Variants in ANKS1B observed in about 807,000 individuals in gnomAD.
ANKS1B encodes ankyrin repeat and sterile alpha motif domain-containing protein 1B.
In ANKS1B, 36 loss-of-function variants were observed where a neutral mutation model predicts 148.3. The ratio of observed to expected loss-of-function variants is 0.24; its 90% CI spans 0.19 to 0.32. The LOEUF (loss-of-function observed/expected upper bound fraction) is 0.32, where lower values mean the gene tolerates loss of function less well. Ranked by LOEUF, ANKS1B falls within the 10% of genes least tolerant of loss-of-function variation. The pLI, the probability that ANKS1B is intolerant of heterozygous loss-of-function variation, is 1.00. For missense variants in ANKS1B, 1,157 were observed against 1,542.6 expected (o/e 0.75, Z 4.19); for synonymous variants, 542 against 560.8 (o/e 0.97, Z 0.47).
intron 8 of ANKS1B, among the ~76,000 whole-genome samples, chr12:99,723,136 C>T (rs746101184): frequency 2.6e-5 from 4 of 152,172 alleles, no homozygotes; most frequent in Admixed American, 6.5e-5. Flanking sequence ...GCTGAGTTCC[C>T]GGTGGGGAGG....
chr12:99,449,927 CTAT>C, intron 10 of ANKS1B, among the ~76,000 whole-genome samples: 1 of 151,572 alleles, frequency 6.6e-6, no homozygotes, highest in South Asian at 2.1e-4. Flanking sequence ...ATCTATCTAT[CTAT>C]CTATCTATCT....
chr12:99,702,042 T>C (rs1012430503), intron 8 of ANKS1B, among the ~76,000 whole-genome samples: 2 of 152,174 alleles, frequency 1.3e-5, no homozygotes, highest in Non-Finnish European at 2.9e-5. Flanking sequence ...TTCCTTTCTT[T>C]TGAGTTTATA....
chr12:99,197,962 T>C (rs1374001697), intron 14 of ANKS1B, among the ~76,000 whole-genome samples: 1 of 152,168 alleles, frequency 6.6e-6, no homozygotes, highest in Non-Finnish European at 1.5e-5. Flanking sequence ...TTGTACTTTC[T>C]GGTCATTTCA....
intron 17 of ANKS1B, among the ~76,000 whole-genome samples, chr12:98,958,258 A>G (rs1243906367): frequency 1.3e-5 from 2 of 152,274 alleles, no homozygotes; most frequent in Non-Finnish European, 2.9e-5. Flanking sequence ...ACTATAAATT[A>G]TGAATATGCA....
chr12:99,635,262 T>A (rs571795672), intron 9 of ANKS1B, among the ~76,000 whole-genome samples: 4 of 152,180 alleles, frequency 2.6e-5, no homozygotes, highest in African/African-American at 4.8e-5. Flanking sequence ...TTGGTATGCA[T>A]CCAAAAGAAT....
At chr12:98,848,954 G>A (rs1298782827) in intron 17 of ANKS1B, among the ~76,000 whole-genome samples, 2 of 151,858 alleles carry the variant, frequency 1.3e-5, no homozygotes, top group Non-Finnish European at 2.9e-5. Flanking sequence ...GGCCAGGCTG[G>A]TCTCAAACTC....
intron 1 of ANKS1B, among the ~76,000 whole-genome samples, chr12:99,902,732 C>T (rs1194016872): frequency 6.6e-6 from 1 of 151,062 alleles, no homozygotes; most frequent in Admixed American, 6.6e-5. Context: ...CTATCAGATC[C>T]TCAAAATAGC....
chr12:99,206,487 T>A (rs1408345145), intron 14 of ANKS1B, among the ~76,000 whole-genome samples: 3 of 151,868 alleles, frequency 2.0e-5, no homozygotes, highest in Admixed American at 6.6e-5. Flanking sequence ...AAAAAAAAAA[T>A]TTAATGGGCT....
At chr12:99,672,096 G>C (rs2098540923) in intron 8 of ANKS1B, among the ~76,000 whole-genome samples, 1 of 152,020 alleles carries the variant, frequency 6.6e-6, no homozygotes, top group Non-Finnish European at 1.5e-5. Flanking sequence ...CATCTTGTCA[G>C]CATTTAATTA....
intron 10 of ANKS1B, among the ~76,000 whole-genome samples, chr12:99,461,033 G>A (rs1567144436): frequency 6.6e-6 from 1 of 150,468 alleles, no homozygotes; most frequent in Non-Finnish European, 1.5e-5. Flanking sequence ...AAGAAAATGT[G>A]GTGGATATAT....
intron 4 of ANKS1B, among the ~76,000 whole-genome samples, chr12:99,787,553 G>A (rs1353110729): frequency 3.3e-5 from 5 of 152,162 alleles, no homozygotes; most frequent in Non-Finnish European, 7.4e-5. Flanking sequence ...AGAGATGAAG[G>A]ACAGAGCAAA....
At chr12:99,837,501 G>A (rs994459119) in intron 1 of ANKS1B, among the ~76,000 whole-genome samples, 3 of 152,050 alleles carry the variant, frequency 2.0e-5, no homozygotes, top group Non-Finnish European at 4.4e-5. Flanking sequence ...CATTGACTGC[G>A]GACTTGCTAC....
chr12:99,889,103 T>C (rs1182139528), intron 1 of ANKS1B, among the ~76,000 whole-genome samples: 1 of 152,162 alleles, frequency 6.6e-6, no homozygotes, highest in Non-Finnish European at 1.5e-5. Context: ...AATGTTGGTT[T>C]TAATCATTGC....
At chr12:99,757,052 T>C (rs190720066) in intron 8 of ANKS1B, among the ~76,000 whole-genome samples, 84 of 152,130 alleles carry the variant, frequency 5.5e-4, no homozygotes, top group African/African-American at 2.0e-3. Context: ...AAAGATTTCA[T>C]GACAAAGATG....
chr12:99,172,062 C>T (rs1049937068), intron 14 of ANKS1B, among the ~76,000 whole-genome samples: 1 of 152,018 alleles, frequency 6.6e-6, no homozygotes, highest in Non-Finnish European at 1.5e-5. Context: ...CTAATCTGTG[C>T]CTTGAAGACG....
intron 11 of ANKS1B, among the ~76,000 whole-genome samples, chr12:99,414,853 T>C (rs936526214): frequency 6.6e-6 from 1 of 152,234 alleles, no homozygotes; most frequent in African/African-American, 2.4e-5. Flanking sequence ...TCAGGGCAAC[T>C]TGTCAAAATA....
chr12:98,785,908 C>T (rs548768816), intron 22 of ANKS1B, among the ~76,000 whole-genome samples: 1 of 152,160 alleles, frequency 6.6e-6, no homozygotes, highest in African/African-American at 2.4e-5. Flanking sequence ...ATGCTCAAGG[C>T]GAACCTTCTG....
intron 9 of ANKS1B, among the ~76,000 whole-genome samples, chr12:99,563,067 G>T (rs1327595206): frequency 6.6e-6 from 1 of 152,156 alleles, no homozygotes; most frequent in Non-Finnish European, 1.5e-5. Context: ...ATTGAAGAGA[G>T]TTAAGCCTTG....
chr12:98,982,559 TC>T (rs1277276653), intron 17 of ANKS1B, among the ~76,000 whole-genome samples: 1 of 152,232 alleles, frequency 6.6e-6, no homozygotes. Flanking sequence ...CTTTTGCTTT[TC>T]TTAAAAGTTT....
Sources: allele counts gnomAD v4.1 joint callset (sites outside exome capture counted in the v4.1 genomes callset), GRCh38; gene constraint gnomAD v4.1.1; transcripts MANE v1.5; gene names NCBI Gene and HGNC (gene_info 2026-07-23, HGNC 2026-07-21).